The following MAN1A1 variants were observed in gnomAD, a reference collection of about 807,000 sequenced individuals.
MAN1A1 encodes the protein mannosyl-oligosaccharide 1,2-alpha-mannosidase IA.
MAN1A1 carries 29 observed loss-of-function variants against 70.8 expected under a neutral mutation model. That is an observed-to-expected ratio of 0.41 (90% CI 0.31 to 0.56). The LOEUF is 0.56. MAN1A1 is among the 20% of genes least tolerant of loss of function. The pLI is 0.29. For synonymous variants in MAN1A1, 349 were observed against 330.1 expected (o/e 1.06, Z -0.62); for missense variants, 747 against 841.3 (o/e 0.89, Z 1.39).
At chr6:119,336,222 A>C (rs1267561632) in intron 2 of MAN1A1, among the ~76,000 whole-genome samples, 1 of 152,144 alleles carries the variant, frequency 6.6e-6, no homozygotes. Context: ...GGCTCACGCC[A>C]CCACACCTGG....
At chr6:119,349,840 C>A (rs1238424012), upstream of MAN1A1, 2 of 794,538 alleles carry the variant, frequency 2.5e-6, no homozygotes, top group Non-Finnish European at 3.0e-6. Flanking sequence ...CCGGGCCAAT[C>A]ACGCGCCGCC....
intron 6 of MAN1A1, among the ~76,000 whole-genome samples, chr6:119,207,268 A>C (rs1308214929): frequency 6.6e-6 from 1 of 152,172 alleles, no homozygotes; most frequent in East Asian, 1.9e-4. Context: ...CAACCACGGA[A>C]GCAAGAACAT....
At chr6:119,245,772 A>C (rs577754190) in intron 6 of MAN1A1, among the ~76,000 whole-genome samples, 3 of 152,286 alleles carry the variant, frequency 2.0e-5, no homozygotes, top group Non-Finnish European at 4.4e-5. Context: ...CATCCAGTTT[A>C]ACTTCAAAAC....
At chr6:119,242,150 T>A (rs564968542) in intron 6 of MAN1A1, among the ~76,000 whole-genome samples, 134 of 41,750 alleles carry the variant, frequency 3.2e-3, no homozygotes, top group Non-Finnish European at 8.1e-3. Context: ...CACACTTTCA[T>A]AGACTGGGTT....
rs79377679 is a variant in MAN1A1 at position 119,261,722 on chromosome 6, T to A, written c.898-13368A>T. 2.6e-5 allele frequency among the ~76,000 whole-genome samples: 4 copies of A among 152,214 alleles called. No homozygotes were observed. In the East Asian group the frequency reaches 7.7e-4, roughly 29 times the overall value. On this transcript the variant is annotated intron_variant, in intron 5 of 12. Transcript: ENST00000368468. ...GTAAAGAAAGTTCATGGAAGTGTTT[T>A]TGAAGATCTTAAACTCAGTTTTAGA...
At position 119,189,730 on chromosome 6, in the gene MAN1A1, C is replaced by T. The variant is rs1245949248; in HGVS notation, c.1480G>A (p.Ala494Thr). ...GCCCCGAGTTCAAGGTAGTGTTGGG[C>T]CATGCCTTCGGGAGCTGCATCAGCC... ...LGADAAPEGM[A>T]QHYLELGAEI... Residue 494 changes from alanine to threonine, a missense_variant, in exon 10 of 13, where the codon GCC (alanine) becomes ACC (threonine). By Grantham distance (58) the Ala-to-Thr change is moderately conservative. Around this residue, in one of 2 missense-constraint regions of MAN1A1, gnomAD observed 419 missense variants for 548.2 expected, o/e 0.76. Coordinates refer to ENST00000368468, the MANE Select transcript of MAN1A1 (RefSeq NM_005907.4). 1 of 1,614,034 alleles carries T rather than the reference C, an allele frequency of 6.2e-7. No individual in the cohort carries two copies. Among genetic ancestry groups the T allele is most frequent in the Non-Finnish European group, 8.5e-7 (1 of 1,180,002 alleles).
chr6:119,222,469 G>A (rs1171905164), intron 6 of MAN1A1, among the ~76,000 whole-genome samples: 1 of 151,758 alleles, frequency 6.6e-6, no homozygotes, highest in Non-Finnish European at 1.5e-5. Context: ...TGGGACTACA[G>A]GCATATGCCA....
intron 5 of MAN1A1, among the ~76,000 whole-genome samples, chr6:119,271,262 C>G (rs1383459710): frequency 6.6e-6 from 1 of 151,866 alleles, no homozygotes; most frequent in East Asian, 1.9e-4. Context: ...TATCATAGTT[C>G]TAGAAAAATG....
chr6:119,210,298 A>C (rs1302782897), intron 6 of MAN1A1, among the ~76,000 whole-genome samples: 1 of 152,178 alleles, frequency 6.6e-6, no homozygotes, highest in African/African-American at 2.4e-5. Flanking sequence ...AGTCGAGTGC[A>C]GTTTCTGTCC....
chr6:119,192,716 G>A (rs1304108806), intron 9 of MAN1A1, among the ~76,000 whole-genome samples: 1 of 151,966 alleles, frequency 6.6e-6, no homozygotes, highest in Admixed American at 6.6e-5. Context: ...TACTTGAGAA[G>A]CCTTGATAAT....
intron 2 of MAN1A1, among the ~76,000 whole-genome samples, chr6:119,323,473 T>A (rs918515541): frequency 2.2e-4 from 34 of 152,150 alleles, no homozygotes; most frequent in Non-Finnish European, 4.7e-4. Flanking sequence ...TATCAAGTAT[T>A]TTTAGCACTT....
chr6:119,256,034 T>C (rs1775448888), intron 5 of MAN1A1, among the ~76,000 whole-genome samples: 1 of 152,204 alleles, frequency 6.6e-6, no homozygotes, highest in Admixed American at 6.5e-5. Context: ...AGAAGAGTGT[T>C]GCTTATTTTC....
intron 4 of MAN1A1, among the ~76,000 whole-genome samples, chr6:119,298,420 CAA>C (rs1393791552): frequency 6.6e-6 from 1 of 152,100 alleles, no homozygotes; most frequent in Non-Finnish European, 1.5e-5. Context: ...TAAACCAATA[CAA>C]AACATTTATT....
chr6:119,264,336 T>C (rs1397550985), intron 5 of MAN1A1, among the ~76,000 whole-genome samples: 2 of 152,224 alleles, frequency 1.3e-5, no homozygotes, highest in Non-Finnish European at 2.9e-5. Context: ...AATAAATTGA[T>C]TGGAAACAAT....
intron 6 of MAN1A1, among the ~76,000 whole-genome samples, chr6:119,215,276 A>T (rs72958902): frequency 6.6e-6 from 1 of 152,334 alleles, no homozygotes; most frequent in Non-Finnish European, 1.5e-5. Context: ...AAGAAAGAAA[A>T]TAAAAACCTT....
intron 2 of MAN1A1, among the ~76,000 whole-genome samples, chr6:119,342,449 A>G (rs1773622264): frequency 6.6e-6 from 1 of 152,200 alleles, no homozygotes; most frequent in Non-Finnish European, 1.5e-5. Context: ...GTGCTTTACT[A>G]TCACATTTAA....
intron 6 of MAN1A1, among the ~76,000 whole-genome samples, chr6:119,247,080 T>C (rs1335436109): frequency 6.6e-6 from 1 of 152,140 alleles, no homozygotes; most frequent in Non-Finnish European, 1.5e-5. Flanking sequence ...TCTCACAAAT[T>C]TGTTAAAGGA....
intron 5 of MAN1A1, among the ~76,000 whole-genome samples, chr6:119,259,296 C>G (rs1276160702): frequency 6.6e-6 from 1 of 152,280 alleles, no homozygotes; most frequent in East Asian, 1.9e-4. Flanking sequence ...GTGAAGGGCA[C>G]AAGCTTCAGG....
chr6:119,228,877 A>T (rs781240854), intron 6 of MAN1A1, among the ~76,000 whole-genome samples: 1 of 151,954 alleles, frequency 6.6e-6, no homozygotes. Flanking sequence ...ACTCTGTGTG[A>T]CCCTCCCTTG....
Sources: gnomAD v4.1 joint callset for allele counts (sites outside exome capture counted in the v4.1 genomes callset) on GRCh38, gnomAD v4.1.1 for gene constraint, gnomAD v4.1.1 regional missense constraint, MANE v1.5 for transcripts, NCBI Gene and HGNC (gene_info 2026-07-23, HGNC 2026-07-21) for gene names.